The following NFIC variants were observed in gnomAD, a reference collection of about 807,000 sequenced individuals.
The protein encoded by NFIC is nuclear factor I C, also known as nuclear factor 1 C-type.
Under a neutral mutation model 54.4 loss-of-function variants are expected in NFIC, and 12 were observed. The observed-to-expected ratio is 0.22, with a 90% confidence interval of 0.14 to 0.36. NFIC has a LOEUF of 0.36. Among genes scored for constraint, NFIC ranks in the 10% least tolerant of loss-of-function variants. The pLI is 1.00. For missense variants in NFIC, 575 were observed against 718.2 expected, an observed-to-expected ratio of 0.80 and a Z score of 2.28; for synonymous variants, 322 against 319.2, an observed-to-expected ratio of 1.01 and a Z score of -0.09.
rs370422045 is a variant in NFIC at position 3,437,211 on chromosome 19, C to CA, written c.958+2012dup. Among the ~76,000 whole-genome samples the CA allele has an allele frequency of 5.3e-3, 802 of 151,572 alleles. 9 individuals carry two copies. The highest frequency in any genetic ancestry group is 0.018 in the African/African-American group (732 of 41,306). On this transcript the variant is annotated intron_variant, in intron 6 of 10. Transcript: ENST00000443272. ...TGAAACCCCGTCTCTACTAAAAATA[C>CA]AAAAAAAATAGCCGGGCGTGGCGGC...
Position 3,467,212 on chromosome 19 carries a change from G to GCCCCCCCC in NFIC, c.*4447_*4454dup, listed in dbSNP as rs374469121. 81 of 88,198 alleles carry GCCCCCCCC rather than the reference G, an allele frequency of 9.2e-4. No homozygotes were observed. The highest frequency in any genetic ancestry group is 5.4e-3 in the Middle Eastern group (1 of 186). 5.5% of individuals were successfully genotyped at this position (88,198 alleles called of 1,614,324 possible). On this transcript the variant is annotated 3_prime_UTR_variant, in exon 11 of 11. Coordinates refer to ENST00000443272, the MANE Select transcript of NFIC (RefSeq NM_001245002.2). ...GCTATGGACACCACACCTATGCCAG[G>GCCCCCCCC]CCCCCCCCCCCACCCCAGTCTCATT...
At chr19:3,367,477 T>TC (rs971637728) in intron 1 of NFIC, among the ~76,000 whole-genome samples, 23 of 81,982 alleles carry the variant, frequency 2.8e-4, no homozygotes, top group African/African-American at 6.5e-4. Flanking sequence ...CCCCGTCCCC[T>TC]CCCCCTCCCC....
chr19:3,416,976 C>T lies in NFIC; in HGVS notation c.563-8130C>T, dbSNP rs565241509. On this transcript the variant is annotated intron_variant, in intron 2 of 10. Coordinates refer to ENST00000443272, the MANE Select transcript of NFIC (RefSeq NM_001245002.2). ...TCGGCTCACTGCAAGCTCCGCCTGCCGGGTTCACGCCATTCTCCTGCCTCA... is the reference window on the plus strand; with the variant it reads ...TCGGCTCACTGCAAGCTCCGCCTGCTGGGTTCACGCCATTCTCCTGCCTCA... Among the ~76,000 whole-genome samples the T allele has an allele frequency of 5.3e-4, 81 of 151,876 alleles. 1 individual carries two copies. The highest frequency in any genetic ancestry group is 1.8e-3 in the African/African-American group (76 of 41,474).
At chr19:3,408,747 G>C (rs1337491037) in intron 2 of NFIC, among the ~76,000 whole-genome samples, 1 of 152,004 alleles carries the variant, frequency 6.6e-6, no homozygotes, top group Non-Finnish European at 1.5e-5. Context: ...GACTATAGGC[G>C]ACCGCCACCA....
At chr19:3,382,393 T>A in intron 2 of NFIC, 150 bp downstream of exon 2, 1 of 1,115,450 alleles carries the variant, frequency 9.0e-7, no homozygotes, top group South Asian at 1.6e-5. Context: ...GAGTGCCCAA[T>A]GGGGGCGACA....
At chr19:3,426,253 T>C (rs916062539) in intron 3 of NFIC, among the ~76,000 whole-genome samples, 4 of 151,782 alleles carry the variant, frequency 2.6e-5, no homozygotes, top group Non-Finnish European at 4.4e-5. Flanking sequence ...ATTTTTTAAA[T>C]ATTTTTGTAG....
chr19:3,461,765 T>C (rs979959717), intron 10 of NFIC, among the ~76,000 whole-genome samples: 17 of 150,724 alleles, frequency 1.1e-4, no homozygotes, highest in African/African-American at 3.9e-4. Flanking sequence ...TTTTAAAATA[T>C]AAAATAAAGG....
chr19:3,428,259 C>T (rs1443971554), intron 3 of NFIC, among the ~76,000 whole-genome samples: 2 of 150,878 alleles, frequency 1.3e-5, no homozygotes, highest in African/African-American at 4.9e-5. Context: ...TTTGGGAGGC[C>T]GAGTCAGGTG....
Position 3,377,648 on chromosome 19 carries a change from A to G in NFIC, c.31-4064A>G, listed in dbSNP as rs148467646. 1.1e-3 allele frequency among the ~76,000 whole-genome samples: 164 copies of G among 152,024 alleles called. 1 individual carries two copies. The highest frequency in any genetic ancestry group is 3.5e-3 in the African/African-American group (146 of 41,480). On this transcript the variant is annotated intron_variant, in intron 1 of 10. Coordinates refer to ENST00000443272, the MANE Select transcript of NFIC (RefSeq NM_001245002.2). ...TTTTTTAGAGACAGGGTCTTACTCTATCCCCCAGGCTGGAGTGCAGTGGCA... is the reference window on the plus strand; with the variant it reads ...TTTTTTAGAGACAGGGTCTTACTCTGTCCCCCAGGCTGGAGTGCAGTGGCA...
chr19:3,464,384 C>T lies in NFIC; in HGVS notation c.*1615C>T, dbSNP rs1041983545. The T allele has an allele frequency of 1.0e-5, 10 of 984,634 alleles. No individual in the cohort carries two copies. Among genetic ancestry groups the T allele is most frequent in the East Asian group, 2.3e-4 (2 of 8,754 alleles). The allele number at this position is 984,634 out of a possible 1,614,324, so 61.0% of individuals were successfully genotyped here. On this transcript the variant is annotated 3_prime_UTR_variant, in exon 11 of 11. Transcript: ENST00000443272. ...CGCTCCAAAAACACTAAGCTGGGGA[C>T]GCCAGGTGCCCCCCCACCCCGGCTC...
intron 2 of NFIC, among the ~76,000 whole-genome samples, chr19:3,414,065 G>A (rs1390188757): frequency 6.6e-6 from 1 of 152,092 alleles, no homozygotes; most frequent in East Asian, 1.9e-4. Flanking sequence ...GTGGCTCTCT[G>A]CAATCTGTTT....
chr19:3,391,854 A>G (rs2081381858), intron 2 of NFIC, among the ~76,000 whole-genome samples: 2 of 152,150 alleles, frequency 1.3e-5, no homozygotes, highest in Non-Finnish European at 2.9e-5. Context: ...ATATATAATC[A>G]TGGAACAATA....
intron 2 of NFIC, among the ~76,000 whole-genome samples, chr19:3,412,566 G>C (rs2081781637): frequency 6.6e-6 from 1 of 152,084 alleles, no homozygotes; most frequent in Non-Finnish European, 1.5e-5. Flanking sequence ...CTGTTCATAC[G>C]TTTTAAAGAG....
Position 3,437,642 on chromosome 19 carries a change from AAAAAAAG to A in NFIC, c.958+2442_958+2448del, listed in dbSNP as rs1208048036. ...CAGAACGAGACTATGTCTCAAAAAA[AAAAAAAG>A]AAAAAAAAAGTCACTTCTGTTTCGT... On this transcript the variant is annotated intron_variant, in intron 6 of 10. Coordinates refer to ENST00000443272, the MANE Select transcript of NFIC (RefSeq NM_001245002.2). Among the ~76,000 whole-genome samples the A allele has an allele frequency of 6.1e-5, 9 of 148,230 alleles. No homozygotes were observed. The South Asian group carries it at 8.9e-4, about 15-fold the overall frequency.
At chr19:3,409,207 C>T (rs1390169796) in intron 2 of NFIC, among the ~76,000 whole-genome samples, 2 of 152,184 alleles carry the variant, frequency 1.3e-5, no homozygotes, top group African/African-American at 2.4e-5. Context: ...GGGTCTGTCT[C>T]TGCCTTTCAC....
At chr19:3,418,860 A>T (rs2081909661) in intron 2 of NFIC, among the ~76,000 whole-genome samples, 1 of 152,148 alleles carries the variant, frequency 6.6e-6, no homozygotes. Context: ...TAAATAAATA[A>T]ATACATAAAT....
chr19:3,367,059 C>T (rs1170977828), intron 1 of NFIC, among the ~76,000 whole-genome samples: 2 of 152,060 alleles, frequency 1.3e-5, no homozygotes, highest in Non-Finnish European at 2.9e-5. Context: ...TGCGGGAAGC[C>T]CCCCGCCTGC....
intron 2 of NFIC, among the ~76,000 whole-genome samples, chr19:3,402,128 C>T (rs1011979670): frequency 7.2e-5 from 11 of 152,332 alleles, no homozygotes; most frequent in South Asian, 4.1e-4. Flanking sequence ...TGACTGCAAC[C>T]TCCGCCTCCA....
At chr19:3,432,729 C>T (rs1480889393) in intron 3 of NFIC, among the ~76,000 whole-genome samples, 1 of 147,066 alleles carries the variant, frequency 6.8e-6, no homozygotes, top group Non-Finnish European at 1.5e-5. Flanking sequence ...GGATGGAGTG[C>T]AGTGGCGCAA....
Sources: allele counts gnomAD v4.1 joint callset (sites outside exome capture counted in the v4.1 genomes callset), GRCh38; gene constraint gnomAD v4.1.1; transcripts MANE v1.5; gene names NCBI Gene and HGNC (gene_info 2026-07-23, HGNC 2026-07-21).